The following PTPRD variants were observed in gnomAD, a reference collection of about 807,000 sequenced individuals.
PTPRD encodes the protein receptor-type tyrosine-protein phosphatase delta.
In PTPRD, 34 loss-of-function variants were observed where a neutral mutation model predicts 214.5. The ratio of observed to expected loss-of-function variants is 0.16; its 90% CI spans 0.12 to 0.21. The LOEUF (loss-of-function observed/expected upper bound fraction) is 0.21. Ranked by LOEUF, PTPRD falls within the 10% of genes least tolerant of loss-of-function variation. The probability of loss-of-function intolerance (pLI) is 1.00; values close to 1 mark genes in which losing one functional copy is unlikely to be tolerated. For synonymous variants in PTPRD, 1,128 were observed against 845.7 expected (o/e 1.33, Z -5.79); for missense variants, 2,545 against 2,398.7 (o/e 1.06, Z -1.27).
chr9:8,510,895 T>TCAAG (rs2097665112), intron 21 of PTPRD, among the ~76,000 whole-genome samples: 1 of 152,122 alleles, frequency 6.6e-6, no homozygotes, highest in Non-Finnish European at 1.5e-5. Flanking sequence ...AAACACTTTG[T>TCAAG]TTTCTCTGGA....
At chr9:9,019,678 C>A (rs948652039) in intron 10 of PTPRD, among the ~76,000 whole-genome samples, 1 of 152,274 alleles carries the variant, frequency 6.6e-6, no homozygotes, top group South Asian at 2.1e-4. Flanking sequence ...TGCACTCCAT[C>A]CCAGGTGACA....
At chr9:9,804,812 AT>A (rs1318660653) in intron 5 of PTPRD, among the ~76,000 whole-genome samples, 1 of 151,454 alleles carries the variant, frequency 6.6e-6, no homozygotes, top group South Asian at 2.1e-4. Context: ...TCAAAATATA[AT>A]TTTTATAATA....
At chr9:9,103,454 A>T (rs2099794098) in intron 10 of PTPRD, among the ~76,000 whole-genome samples, 1 of 152,222 alleles carries the variant, frequency 6.6e-6, no homozygotes, top group Admixed American at 6.5e-5. Flanking sequence ...AATGTGGAAT[A>T]AACAAGTAAA....
At chr9:9,189,779 C>T (rs59782689) in intron 9 of PTPRD, among the ~76,000 whole-genome samples, 1,692 of 152,050 alleles carry the variant, frequency 0.011, 37 homozygotes, top group African/African-American at 0.039. Context: ...TTGCTATGCA[C>T]TCAGGTGGAT....
chr9:10,137,877 T>G (rs11532878), intron 3 of PTPRD, among the ~76,000 whole-genome samples: 41,157 of 151,866 alleles, frequency 0.27, 5,713 homozygotes, highest in South Asian at 0.39. Flanking sequence ...AAAATCTATG[T>G]GATGCAGCTA....
chr9:9,258,024 T>C (rs890135474), intron 9 of PTPRD, among the ~76,000 whole-genome samples: 1 of 151,900 alleles, frequency 6.6e-6, no homozygotes, highest in Non-Finnish European at 1.5e-5. Flanking sequence ...GCTTTTGGCT[T>C]TAGTGGTAAT....
chr9:10,187,825 C>A (rs746678254), intron 3 of PTPRD, among the ~76,000 whole-genome samples: 4 of 152,218 alleles, frequency 2.6e-5, no homozygotes, highest in Non-Finnish European at 5.9e-5. Flanking sequence ...AAAGGTCCCC[C>A]ACCTGGTCTA....
At chr9:8,428,094 G>C (rs1463123042) in intron 35 of PTPRD, among the ~76,000 whole-genome samples, 1 of 152,184 alleles carries the variant, frequency 6.6e-6, no homozygotes, top group Non-Finnish European at 1.5e-5. Flanking sequence ...AGGTCACACA[G>C]TTTGAGCTAG....
chr9:8,711,958 A>C (rs910367772), intron 12 of PTPRD, among the ~76,000 whole-genome samples: 3 of 152,244 alleles, frequency 2.0e-5, no homozygotes, highest in Non-Finnish European at 4.4e-5. Context: ...CCAAAAGGCT[A>C]CATATTGCGG....
At chr9:9,971,909 CTT>C (rs542130052) in intron 4 of PTPRD, among the ~76,000 whole-genome samples, 72 of 152,222 alleles carry the variant, frequency 4.7e-4, no homozygotes, top group African/African-American at 1.6e-3. Context: ...ATAAAACTCT[CTT>C]TGGAAACATT....
chr9:9,053,702 G>T (rs1230052378), intron 10 of PTPRD, among the ~76,000 whole-genome samples: 3 of 152,106 alleles, frequency 2.0e-5, no homozygotes, highest in Non-Finnish European at 4.4e-5. Flanking sequence ...TAGGAAATTA[G>T]TATATATTTA....
chr9:10,285,224 T>A (rs2095303807), intron 3 of PTPRD, among the ~76,000 whole-genome samples: 1 of 152,168 alleles, frequency 6.6e-6, no homozygotes, highest in South Asian at 2.1e-4. Flanking sequence ...TACGATACTG[T>A]AAGAATACAC....
intron 3 of PTPRD, among the ~76,000 whole-genome samples, chr9:10,204,688 C>G (rs1487963678): frequency 6.6e-6 from 1 of 152,046 alleles, no homozygotes; most frequent in East Asian, 1.9e-4. Context: ...AACTCTCTTA[C>G]TAGAGGAAGA....
chr9:10,164,033 G>A (rs1168704022), intron 3 of PTPRD, among the ~76,000 whole-genome samples: 2 of 151,336 alleles, frequency 1.3e-5, no homozygotes, highest in Non-Finnish European at 3.0e-5. Context: ...AGATCACTTG[G>A]CCTGAAGCAC....
intron 3 of PTPRD, among the ~76,000 whole-genome samples, chr9:10,111,835 C>T (rs1251977489): frequency 6.6e-6 from 1 of 152,150 alleles, no homozygotes; most frequent in Non-Finnish European, 1.5e-5. Flanking sequence ...TCCCCAAGCT[C>T]ATTTCTTCAT....
In PTPRD at chr9:8,561,280, A is replaced by C. The variant is rs920125553; in HGVS notation, c.353-32501T>G. 1.7e-4 allele frequency among the ~76,000 whole-genome samples: 26 copies of C among 152,056 alleles called. 1 individual carries two copies. Among genetic ancestry groups the C allele is most frequent in the South Asian group, 4.1e-4 (2 of 4,820 alleles). On this transcript the variant is annotated intron_variant, in intron 14 of 45. Coordinates refer to ENST00000381196, the MANE Select transcript of PTPRD (RefSeq NM_002839.4). ...ATACTCCTCATTCTGAGTCCATAAA[A>C]AGCCCCAGACCCAGCCACACTGAGA... is the stretch of plus-strand genomic sequence containing the variant.
chr9:9,362,244 G>A (rs979173055), intron 9 of PTPRD, among the ~76,000 whole-genome samples: 2 of 150,958 alleles, frequency 1.3e-5, no homozygotes, highest in Admixed American at 6.6e-5. Flanking sequence ...TTCCTCAAAA[G>A]CTTCCGTATT....
intron 9 of PTPRD, among the ~76,000 whole-genome samples, chr9:9,225,122 A>G (rs1419163863): frequency 1.3e-5 from 2 of 152,030 alleles, no homozygotes; most frequent in African/African-American, 4.8e-5. Flanking sequence ...AAACTTCTTG[A>G]TAAAAAGTAC....
At chr9:9,166,647 G>A (rs2099904772) in intron 10 of PTPRD, among the ~76,000 whole-genome samples, 1 of 152,074 alleles carries the variant, frequency 6.6e-6, no homozygotes, top group Non-Finnish European at 1.5e-5. Flanking sequence ...AGACTACTTA[G>A]GCTTAGCTCA....
Sources: gnomAD v4.1 joint callset for allele counts (sites outside exome capture counted in the v4.1 genomes callset) on GRCh38, gnomAD v4.1.1 for gene constraint, MANE v1.5 for transcripts, NCBI Gene and HGNC (gene_info 2026-07-23, HGNC 2026-07-21) for gene names.